The following HNRNPM variants were observed in gnomAD, a reference collection of about 807,000 sequenced individuals.
The protein encoded by HNRNPM is heterogeneous nuclear ribonucleoprotein M, also known as CEA receptor.
In HNRNPM, 11 loss-of-function variants were observed where a neutral mutation model predicts 73.1. That is an observed-to-expected ratio of 0.15 (90% CI 0.09 to 0.25). The LOEUF (loss-of-function observed/expected upper bound fraction) is 0.25, where lower values mean the gene tolerates loss of function less well. Among genes scored for constraint, HNRNPM ranks in the 10% least tolerant of loss-of-function variants. The pLI, the probability that HNRNPM is intolerant of heterozygous loss-of-function variation, is 1.00. For missense variants in HNRNPM, 789 were observed against 1,067.9 expected (o/e 0.74, Z 3.64); for synonymous variants, 407 against 355.2 (o/e 1.15, Z -1.64).
chr19:8,466,452 G>A, intron 7 of HNRNPM, 64 bp downstream of exon 7: 2 of 1,510,232 alleles, frequency 1.3e-6, no homozygotes, highest in Non-Finnish European at 1.8e-6. Context: ...TAGTAATGTA[G>A]GTTTGTGTGA....
intron 14 of HNRNPM, 56 bp from the exon 15 acceptor site, chr19:8,486,965 GGCA>G (rs1971357475): frequency 7.4e-7 from 1 of 1,342,990 alleles, no homozygotes; most frequent in Non-Finnish European, 1.1e-6. Flanking sequence ...CCAGCTGCAA[GGCA>G]TGCCTTAGGA....
chr19:8,485,718 G>C lies in HNRNPM; in HGVS notation c.1290G>C (p.Val430=), dbSNP rs749861980. 1.9e-6 allele frequency: 3 copies of C among 1,606,878 alleles called. No individual in the cohort carries two copies. Among genetic ancestry groups the C allele is most frequent in the Admixed American group, 3.3e-5 (2 of 59,956 alleles). The change falls in exon 14 of 16, where the codon GTG becomes GTC. Residue 430 remains valine, a synonymous_variant. Transcript: ENST00000325495. ...GCCTGGGCCACGGCATGGATCGCGTGGGCTCCGAGATCGAGCGCATGGGCC... is the reference window on the plus strand; with the variant it reads ...GCCTGGGCCACGGCATGGATCGCGTCGGCTCCGAGATCGAGCGCATGGGCC... ...GAGLGHGMDR[V]GSEIERMGLV...
chr19:8,480,668 TAAAA>T (rs774783310), intron 12 of HNRNPM, among the ~76,000 whole-genome samples: 1 of 137,676 alleles, frequency 7.3e-6, no homozygotes, highest in Non-Finnish European at 1.6e-5. Flanking sequence ...GTCTCAAAAT[TAAAA>T]AAAAAAAAAA....
At chr19:8,477,491 C>G (rs13344747) in intron 12 of HNRNPM, among the ~76,000 whole-genome samples, 1 of 151,944 alleles carries the variant, frequency 6.6e-6, no homozygotes, top group East Asian at 1.9e-4. Context: ...GACCTCCTCT[C>G]TACAAAAAAT....
chr19:8,465,278 G>A (rs778440156), intron 5 of HNRNPM, 46 bp from the exon 6 acceptor site: 5 of 1,453,276 alleles, frequency 3.4e-6, no homozygotes, highest in South Asian at 2.6e-5. Context: ...CATGGTTTGC[G>A]TTGTACTGGG....
chr19:8,472,107 G>A (rs1970186812), intron 10 of HNRNPM, among the ~76,000 whole-genome samples: 1 of 150,704 alleles, frequency 6.6e-6, no homozygotes, highest in African/African-American at 2.4e-5. Flanking sequence ...GGAGGCGGAG[G>A]TTGCAGTGAG....
chr19:8,463,515 T>C lies in HNRNPM; in HGVS notation c.344+11T>C. 1 of 1,613,676 alleles carries C rather than the reference T, an allele frequency of 6.2e-7. No homozygotes were observed. Among genetic ancestry groups the C allele is most frequent in the Non-Finnish European group, 8.5e-7 (1 of 1,179,530 alleles). ...TCCAAAGGGATGTGCGTAAGTATCG[T>C]CTAGTTACTTATTGGTATTTGAGCC... On this transcript the variant is annotated intron_variant, in intron 4 of 15. Coordinates refer to ENST00000325495, the MANE Select transcript of HNRNPM (RefSeq NM_005968.5).
At chr19:8,488,622 T>C in intron 15 of HNRNPM, 69 bp from the exon 16 acceptor site, 1 of 1,470,208 alleles carries the variant, frequency 6.8e-7, no homozygotes. Flanking sequence ...CCTCTCCTTT[T>C]TGACTCTGTC....
chr19:8,456,145 T>C (rs1188720847), intron 2 of HNRNPM, among the ~76,000 whole-genome samples: 1 of 152,250 alleles, frequency 6.6e-6, no homozygotes, highest in East Asian at 1.9e-4. Context: ...ATTGGAGAGC[T>C]CAAAATAAGG....
chr19:8,486,370 G>A lies in HNRNPM; in HGVS notation c.1942G>A (p.Val648Met). ...FGGAGGHAPG[V>M]ARKACQIFVR... ...TGGAGCTGGAGGCCATGCTCCTGGG[G>A]TGGCCAGGAAGGCCTGCCAGATATT... Residue 648 changes from valine (V) to methionine (M), a missense_variant, in exon 14 of 16, where the codon GTG (valine) becomes ATG (methionine). Physicochemically the swap from Val to Met is conservative, Grantham distance 21. Around this residue, in one of 4 missense-constraint regions of HNRNPM, gnomAD observed 604 missense variants for 744.0 expected, o/e 0.81. Transcript: ENST00000325495. The A allele has an allele frequency of 6.3e-7, 1 of 1,584,024 alleles. No individual in the cohort carries two copies. Among genetic ancestry groups the A allele is most frequent in the Non-Finnish European group, 8.5e-7 (1 of 1,171,812 alleles).
intron 7 of HNRNPM, among the ~76,000 whole-genome samples, chr19:8,466,828 C>CA (rs61362863): frequency 0.023 from 1,274 of 56,350 alleles, 87 homozygotes; most frequent in African/African-American, 0.058. Flanking sequence ...GACTCAGTCT[C>CA]AAAAAAAAAA....
intron 12 of HNRNPM, among the ~76,000 whole-genome samples, chr19:8,479,771 AATT>A (rs376955097): frequency 0.32 from 23,787 of 75,262 alleles, 3,205 homozygotes; most frequent in East Asian, 0.66. Context: ...AAAAAAAAAA[AATT>A]TTTTTTTTTT....
Position 8,486,222 on chromosome 19 carries a change from G to A in HNRNPM, c.1794G>A (p.Pro598=), listed in dbSNP as rs1470613944. The A allele has an allele frequency of 7.5e-6, 12 of 1,590,756 alleles. No individual in the cohort carries two copies. The highest frequency in any genetic ancestry group is 1.7e-5 in the Admixed American group (1 of 59,434). ...SLERMGPAMG[P]ALGAGIERMG... ...AGCGCATGGGCCCTGCCATGGGCCCGGCCCTGGGCGCTGGCATTGAGCGCA... is the reference window on the plus strand; with the variant it reads ...AGCGCATGGGCCCTGCCATGGGCCCAGCCCTGGGCGCTGGCATTGAGCGCA... The change falls in exon 14 of 16, where the codon CCG becomes CCA. Residue 598 remains proline, a synonymous_variant. Coordinates refer to ENST00000325495, the MANE Select transcript of HNRNPM (RefSeq NM_005968.5).
chr19:8,465,894 A>G (rs1310262703), intron 6 of HNRNPM, among the ~76,000 whole-genome samples: 1 of 152,168 alleles, frequency 6.6e-6, no homozygotes, highest in Non-Finnish European at 1.5e-5. Flanking sequence ...GCAAGGGGAA[A>G]TATTTTTAGA....
chr19:8,465,695 C>G (rs1226995678), intron 6 of HNRNPM, among the ~76,000 whole-genome samples, 180 bp downstream of exon 6: 1 of 152,196 alleles, frequency 6.6e-6, no homozygotes, highest in Non-Finnish European at 1.5e-5. Flanking sequence ...AAGTCACAGG[C>G]TTGACCGTGG....
rs1161817795 is a variant in HNRNPM, at chr19:8,455,640, T to G, written c.283+66T>G. ...TGTCATCTTTTCTGTGGCTAATTCCTTGGTTATTTTTGGTCAGTGGAAGCG... is the reference window on the plus strand; with the variant it reads ...TGTCATCTTTTCTGTGGCTAATTCCGTGGTTATTTTTGGTCAGTGGAAGCG... On this transcript the variant is annotated intron_variant, in intron 2 of 15. Coordinates refer to ENST00000325495, the MANE Select transcript of HNRNPM (RefSeq NM_005968.5). The G allele has an allele frequency of 7.4e-6, 10 of 1,359,806 alleles. No individual in the cohort carries two copies. The Admixed American group carries it at 7.6e-5, about 10-fold the overall frequency. 84.2% of individuals were successfully genotyped at this position (1,359,806 alleles called of 1,614,324 possible). A position where few individuals can be genotyped will look rare whatever the true frequency, so the allele number is the denominator to read the frequency against.
intron 13 of HNRNPM, among the ~76,000 whole-genome samples, chr19:8,483,507 T>TA (rs1471439110): frequency 1.3e-5 from 2 of 152,264 alleles, no homozygotes; most frequent in Admixed American, 6.5e-5. Context: ...TCTTCATTGT[T>TA]AGAGTACCTC....
intron 2 of HNRNPM, among the ~76,000 whole-genome samples, chr19:8,460,543 A>T (rs1439818069): frequency 3.9e-5 from 6 of 152,204 alleles, no homozygotes; most frequent in African/African-American, 1.2e-4. Context: ...TCTAGACTAG[A>T]CTGTTACGTG....
chr19:8,458,453 A>G (rs1023360219), intron 2 of HNRNPM, among the ~76,000 whole-genome samples: 3 of 152,308 alleles, frequency 2.0e-5, no homozygotes, highest in Admixed American at 2.0e-4. Flanking sequence ...GTCGTGCTAC[A>G]TTTGTTTGAG....
Sources: gnomAD v4.1 joint callset for allele counts (sites outside exome capture counted in the v4.1 genomes callset) on GRCh38, gnomAD v4.1.1 for gene constraint, gnomAD v4.1.1 regional missense constraint, MANE v1.5 for transcripts, NCBI Gene and HGNC (gene_info 2026-07-23, HGNC 2026-07-21) for gene names.